DLGAP2: variants seen among roughly 807,000 people sequenced by gnomAD.
DLGAP2 encodes the protein DLG associated protein 2.
Under a neutral mutation model 100.3 loss-of-function variants are expected in DLGAP2, and 26 were observed. The observed-to-expected ratio is 0.26, with a 90% confidence interval of 0.19 to 0.36. The LOEUF (loss-of-function observed/expected upper bound fraction) is 0.36. Among genes scored for constraint, DLGAP2 ranks in the 10% least tolerant of loss-of-function variants. DLGAP2 has a pLI of 1.00. For synonymous variants in DLGAP2, 886 were observed against 630.1 expected (o/e 1.41, Z -6.08); for missense variants, 1,858 against 1,453.2 (o/e 1.28, Z -4.53).
At chr8:1,416,356 C>T (rs895407369) in intron 3 of DLGAP2, among the ~76,000 whole-genome samples, 5 of 152,174 alleles carry the variant, frequency 3.3e-5, no homozygotes, top group African/African-American at 9.7e-5. Context: ...TTCAGACGTG[C>T]CTGGTCACTT....
chr8:1,346,158 G>GGTAA (rs1801549961), intron 3 of DLGAP2, among the ~76,000 whole-genome samples: 1 of 152,196 alleles, frequency 6.6e-6, no homozygotes, highest in Non-Finnish European at 1.5e-5. Context: ...CTGCTCTGAT[G>GGTAA]GTAACTGTGT....
intron 3 of DLGAP2, among the ~76,000 whole-genome samples, chr8:1,372,044 G>T (rs192506164): frequency 1.3e-5 from 2 of 152,190 alleles, no homozygotes; most frequent in Non-Finnish European, 2.9e-5. Flanking sequence ...TGCAGGTGGG[G>T]GGCCTGAGGC....
At chr8:1,606,557 A>G (rs527665426) in intron 6 of DLGAP2, among the ~76,000 whole-genome samples, 1 of 152,326 alleles carries the variant, frequency 6.6e-6, no homozygotes, top group Non-Finnish European at 1.5e-5. Flanking sequence ...CAGAACTGCA[A>G]TTCTTTTTAT....
At chr8:868,064 T>G (rs753267828) in intron 1 of DLGAP2, among the ~76,000 whole-genome samples, 1 of 152,244 alleles carries the variant, frequency 6.6e-6, no homozygotes, top group Non-Finnish European at 1.5e-5. Context: ...TTTGTAGGTG[T>G]CAGTTTTCAA....
intron 1 of DLGAP2, among the ~76,000 whole-genome samples, chr8:806,378 T>A (rs60183952): frequency 0.13 from 19,410 of 152,194 alleles, 1,783 homozygotes; most frequent in East Asian, 0.52. Flanking sequence ...GTGCCGCCAG[T>A]CGTTTCTGGA....
At chr8:1,557,229 C>T (rs536064462) in intron 5 of DLGAP2, among the ~76,000 whole-genome samples, 15 of 152,248 alleles carry the variant, frequency 9.9e-5, no homozygotes, top group Admixed American at 3.9e-4. Context: ...ATCCAAAGAG[C>T]GTGAGCTTTA....
chr8:907,473 A>G (rs921411049), intron 1 of DLGAP2, among the ~76,000 whole-genome samples: 3 of 152,128 alleles, frequency 2.0e-5, no homozygotes, highest in African/African-American at 7.2e-5. Context: ...TTTCTTTGTG[A>G]TTCACCCTTG....
At chr8:1,025,267 C>A (rs1188471383) in intron 2 of DLGAP2, among the ~76,000 whole-genome samples, 2 of 152,166 alleles carry the variant, frequency 1.3e-5, no homozygotes, top group Non-Finnish European at 2.9e-5. Context: ...CTCTTTCACA[C>A]TCCCCCGACC....
intron 6 of DLGAP2, among the ~76,000 whole-genome samples, chr8:1,602,221 A>T (rs1305787082): frequency 1.3e-5 from 2 of 152,228 alleles, no homozygotes; most frequent in Admixed American, 6.5e-5. Flanking sequence ...GAGGAGTAAA[A>T]GTGTTTCTAG....
chr8:1,673,178 C>T (rs2130846472), intron 10 of DLGAP2, among the ~76,000 whole-genome samples: 1 of 152,314 alleles, frequency 6.6e-6, no homozygotes, highest in African/African-American at 2.4e-5. Context: ...TCAATCACAG[C>T]TCACTCCAGC....
chr8:918,212 A>T (rs1420825465), intron 2 of DLGAP2, among the ~76,000 whole-genome samples: 1 of 152,138 alleles, frequency 6.6e-6, no homozygotes, highest in Non-Finnish European at 1.5e-5. Context: ...GGGCATGGAA[A>T]TGTGTGTTTG....
chr8:1,464,054 A>C (rs1296483426), intron 3 of DLGAP2, among the ~76,000 whole-genome samples: 1 of 151,822 alleles, frequency 6.6e-6, no homozygotes, highest in Non-Finnish European at 1.5e-5. Context: ...GAATTCACTG[A>C]ATGTCGCAAC....
intron 2 of DLGAP2, among the ~76,000 whole-genome samples, chr8:1,199,716 C>T (rs7843593): frequency 1.3e-5 from 2 of 151,980 alleles, no homozygotes; most frequent in African/African-American, 4.8e-5. Flanking sequence ...GTGGCTCTCA[C>T]TCGGGCTGAA....
chr8:1,667,009 G>T (rs1044767009), intron 8 of DLGAP2, among the ~76,000 whole-genome samples: 1 of 152,140 alleles, frequency 6.6e-6, no homozygotes, highest in African/African-American at 2.4e-5. Flanking sequence ...TCCAGGAGAC[G>T]CCCACGTGCG....
chr8:1,194,346 T>C (rs73670660), intron 2 of DLGAP2, among the ~76,000 whole-genome samples: 42,825 of 151,880 alleles, frequency 0.28, 6,848 homozygotes, highest in African/African-American at 0.44. Context: ...CCCGGATGCC[T>C]GGCAGACAGT....
At chr8:1,530,392 A>G (rs923210326) in intron 4 of DLGAP2, among the ~76,000 whole-genome samples, 1 of 152,198 alleles carries the variant, frequency 6.6e-6, no homozygotes, top group African/African-American at 2.4e-5. Context: ...GTTTAAGGTT[A>G]TCTCTCTTAT....
chr8:1,099,824 T>G (rs1228229027), intron 2 of DLGAP2, among the ~76,000 whole-genome samples: 1 of 152,244 alleles, frequency 6.6e-6, no homozygotes, highest in African/African-American at 2.4e-5. Context: ...CACTTAAATG[T>G]GATAATTCCT....
chr8:1,544,619 A>G (rs964262773), intron 4 of DLGAP2, among the ~76,000 whole-genome samples: 1 of 152,136 alleles, frequency 6.6e-6, no homozygotes, highest in Admixed American at 6.6e-5. Context: ...GATTTATTAC[A>G]TTGATTGATT....
intron 3 of DLGAP2, among the ~76,000 whole-genome samples, chr8:1,303,326 G>T (rs1800406153): frequency 6.6e-6 from 1 of 151,840 alleles, no homozygotes; most frequent in African/African-American, 2.4e-5. Context: ...GAACCCGGGA[G>T]GCGGAGCTTG....
Sources: gnomAD v4.1 joint callset for allele counts (sites outside exome capture counted in the v4.1 genomes callset) on GRCh38, gnomAD v4.1.1 for gene constraint, MANE v1.5 for transcripts, NCBI Gene and HGNC (gene_info 2026-07-23, HGNC 2026-07-21) for gene names.